The following PHF21B variants were observed in gnomAD, a reference collection of about 807,000 sequenced individuals.
The protein encoded by PHF21B is PHD finger protein 4.
A neutral mutation model predicts 62.2 loss-of-function variants in PHF21B; 22 were observed. The observed-to-expected ratio is 0.35, with a 90% CI of 0.25 to 0.51. The LOEUF is 0.51. Among genes scored for constraint, PHF21B ranks in the 20% least tolerant of loss-of-function variants. The probability of loss-of-function intolerance (pLI) is 0.97; values close to 1 mark genes in which losing one functional copy is unlikely to be tolerated. For synonymous variants in PHF21B, 341 were observed against 314.7 expected (o/e 1.08, Z -0.88); for missense variants, 701 against 707.9 (o/e 0.99, Z 0.11).
At chr22:44,934,041 C>A (rs2071796317) in intron 2 of PHF21B, among the ~76,000 whole-genome samples, 2 of 152,322 alleles carry the variant, frequency 1.3e-5, no homozygotes, top group South Asian at 2.1e-4. Flanking sequence ...GCATGTGTAA[C>A]CACAAGACCA....
At chr22:44,922,686 T>G (rs2071559221) in intron 2 of PHF21B, among the ~76,000 whole-genome samples, 2 of 152,174 alleles carry the variant, frequency 1.3e-5, no homozygotes, top group Non-Finnish European at 2.9e-5. Flanking sequence ...GCACCAACAT[T>G]TAGAAATTCA....
At chr22:44,951,102 C>T (rs2072184709) in intron 2 of PHF21B, among the ~76,000 whole-genome samples, 1 of 152,162 alleles carries the variant, frequency 6.6e-6, no homozygotes, top group South Asian at 2.1e-4. Flanking sequence ...GCAGCTTAAG[C>T]ACCCGCCACT....
intron 2 of PHF21B, among the ~76,000 whole-genome samples, chr22:44,964,722 T>C (rs1834202619): frequency 6.6e-6 from 1 of 152,234 alleles, no homozygotes; most frequent in Non-Finnish European, 1.5e-5. Context: ...CACTCATTCA[T>C]TCACTTATTT....
chr22:44,911,371 T>C (rs2071341181), intron 5 of PHF21B, among the ~76,000 whole-genome samples: 1 of 152,194 alleles, frequency 6.6e-6, no homozygotes, highest in South Asian at 2.1e-4. Context: ...CTCCAGGGAA[T>C]GTCAGAGACC....
chr22:44,911,269 A>G (rs4823415), intron 5 of PHF21B, among the ~76,000 whole-genome samples: 15,134 of 152,220 alleles, frequency 0.099, 792 homozygotes, highest in African/African-American at 0.15. Context: ...GAAAAATCCC[A>G]TTTTCTGAGG....
intron 2 of PHF21B, among the ~76,000 whole-genome samples, chr22:44,945,892 C>T (rs752187004): frequency 2.6e-5 from 4 of 152,130 alleles, no homozygotes; most frequent in African/African-American, 4.8e-5. Context: ...GGGGAAGATG[C>T]TACCATCCCC....
At chr22:44,892,605 C>A (rs907757931) in intron 7 of PHF21B, among the ~76,000 whole-genome samples, 3 of 152,208 alleles carry the variant, frequency 2.0e-5, no homozygotes, top group Admixed American at 2.0e-4. Context: ...CGGGGGACAT[C>A]GTTTCCCTCA....
chr22:44,886,762 C>T (rs1372820161), intron 10 of PHF21B, among the ~76,000 whole-genome samples: 1 of 152,126 alleles, frequency 6.6e-6, no homozygotes, highest in East Asian at 1.9e-4. Context: ...AGGGAACAGC[C>T]CGACAGCAGC....
chr22:44,964,453 G>A (rs987128751), intron 2 of PHF21B, among the ~76,000 whole-genome samples: 14 of 152,050 alleles, frequency 9.2e-5, no homozygotes, highest in Admixed American at 6.5e-4. Flanking sequence ...CCCTGGGGGC[G>A]CAGAGGAGGA....
intron 2 of PHF21B, among the ~76,000 whole-genome samples, chr22:44,958,063 T>C (rs2072337771): frequency 6.6e-6 from 1 of 152,104 alleles, no homozygotes; most frequent in Admixed American, 6.6e-5. Context: ...CTATCATGCC[T>C]GGCTAACTTT....
intron 2 of PHF21B, among the ~76,000 whole-genome samples, chr22:44,997,153 G>C (rs1032433803): frequency 2.6e-5 from 4 of 152,074 alleles, no homozygotes; most frequent in South Asian, 2.1e-4. Context: ...ACGCAAAAAG[G>C]CTTCAGACAC....
intron 2 of PHF21B, among the ~76,000 whole-genome samples, chr22:44,927,519 C>G (rs954219013): frequency 2.0e-5 from 3 of 151,884 alleles, no homozygotes. Context: ...AACAGGGCTG[C>G]CTTGCAGGGC....
intron 2 of PHF21B, among the ~76,000 whole-genome samples, chr22:44,955,213 C>T (rs1162264214): frequency 6.6e-6 from 1 of 152,186 alleles, no homozygotes; most frequent in African/African-American, 2.4e-5. Flanking sequence ...GCCAGCACAG[C>T]GCCTGGGAGG....
intron 5 of PHF21B, among the ~76,000 whole-genome samples, chr22:44,906,277 C>T (rs1244988590): frequency 1.3e-5 from 2 of 152,094 alleles, no homozygotes; most frequent in African/African-American, 4.8e-5. Flanking sequence ...GGATGGAGTT[C>T]AAGAGGGGGA....
intron 2 of PHF21B, among the ~76,000 whole-genome samples, chr22:44,940,178 G>A (rs1377387048): frequency 1.3e-5 from 2 of 152,188 alleles, no homozygotes; most frequent in African/African-American, 4.8e-5. Flanking sequence ...TAGATCACCA[G>A]TTTTTCCGCA....
chr22:44,885,317 G>T, intron 12 of PHF21B, 109 bp downstream of exon 12: 2 of 1,063,428 alleles, frequency 1.9e-6, no homozygotes, highest in Non-Finnish European at 2.6e-6. Flanking sequence ...GCACTGCTGA[G>T]GCCAGCCTGG....
chr22:44,993,885 T>C (rs2073079163), intron 2 of PHF21B, among the ~76,000 whole-genome samples: 1 of 152,258 alleles, frequency 6.6e-6, no homozygotes, highest in African/African-American at 2.4e-5. Flanking sequence ...CTTCTGCCTG[T>C]GAAGAGCCAC....
intron 2 of PHF21B, among the ~76,000 whole-genome samples, chr22:44,923,691 T>C (rs1341619250): frequency 1.3e-5 from 2 of 152,042 alleles, no homozygotes; most frequent in African/African-American, 4.8e-5. Flanking sequence ...CTCATTAAAA[T>C]GAACACAATA....
chr22:44,927,893 GT>G (rs1569233701), intron 2 of PHF21B, among the ~76,000 whole-genome samples: 1 of 152,098 alleles, frequency 6.6e-6, no homozygotes, highest in East Asian at 1.9e-4. Context: ...TTAATAGGGG[GT>G]AAAAAACGGG....
Sources: allele counts gnomAD v4.1 joint callset (sites outside exome capture counted in the v4.1 genomes callset), GRCh38; gene constraint gnomAD v4.1.1; transcripts MANE v1.5; gene names NCBI Gene and HGNC (gene_info 2026-07-23, HGNC 2026-07-21).